The following MED12L variants were observed in gnomAD, a reference collection of about 807,000 sequenced individuals.
The protein encoded by MED12L is mediator complex subunit 12L, also known as mediator of RNA polymerase II transcription subunit 12-like protein.
MED12L carries 60 observed loss-of-function variants against 281.3 expected under a neutral mutation model. That is an observed-to-expected ratio of 0.21 (90% CI 0.17 to 0.26). MED12L has a LOEUF of 0.26. Ranked by LOEUF, MED12L falls within the 10% of genes least tolerant of loss-of-function variation. MED12L has a pLI of 1.00. For synonymous variants in MED12L, 974 were observed against 987.2 expected, an observed-to-expected ratio of 0.99 and a Z score of 0.25; for missense variants, 2,146 against 2,680.9, an observed-to-expected ratio of 0.80 and a Z score of 4.41.
At position 151,156,389 on chromosome 3, in the gene MED12L, C is replaced by T; in HGVS notation, c.726+59C>T. ...ATGCTTTTAAGAAGACAGCAAATTC[C>T]TTATAGTTTGGTGTTCTGGGGTTAA... On this transcript the variant is annotated intron_variant, in intron 6 of 44. Coordinates refer to ENST00000687756, the MANE Select transcript of MED12L (RefSeq NM_001393769.1). 2.7e-6 allele frequency: 4 copies of T among 1,479,012 alleles called. No individual in the cohort carries two copies. In the South Asian group the frequency reaches 4.1e-5, roughly 15 times the overall value. The allele number at this position is 1,479,012 out of a possible 1,614,324, so 91.6% of individuals were successfully genotyped here. A position where few individuals can be genotyped will look rare whatever the true frequency, so the allele number is the denominator to read the frequency against.
chr3:151,372,809 T>C (rs1204118002), intron 27 of MED12L, 43 bp downstream of exon 27: 2 of 1,522,272 alleles, frequency 1.3e-6, no homozygotes, highest in East Asian at 2.3e-5. Flanking sequence ...TACGTAACTC[T>C]TCTTTTGGAG....
At chr3:151,294,308 A>G in intron 16 of MED12L, 1 of 1,614,156 alleles carries the variant, frequency 6.2e-7, no homozygotes, top group Non-Finnish European at 8.5e-7. Context: ...GAAAAAGTAA[A>G]TTATTGGATC....
chr3:151,116,401 G>T lies in MED12L; in HGVS notation c.163G>T (p.Glu55Ter). 1 of 1,613,460 alleles carries T rather than the reference G, an allele frequency of 6.2e-7. No homozygotes were observed. Among genetic ancestry groups the T allele is most frequent in the South Asian group, 1.1e-5 (1 of 90,974 alleles). Reference sequence around the variant, plus strand: ...TAATCAGCCAGCCTTCACTGGAGATGAACATGGCTCAGCCAGAAATATTGT... The same window carrying T: ...TAATCAGCCAGCCTTCACTGGAGATTAACATGGCTCAGCCAGAAATATTGT... ...FNNQPAFTGD[E>*]HGSARNIVIN... is the part of the protein sequence containing the mutation. The change falls in exon 3 of 45, where the codon GAA becomes TAA. Residue 55 changes from glutamate (E) to a stop codon, truncating the protein, a stop_gained. Coordinates refer to ENST00000687756, the MANE Select transcript of MED12L (RefSeq NM_001393769.1). LOFTEE classifies it high-confidence loss of function.
intron 16 of MED12L, chr3:151,294,258 T>A (rs1744739189): frequency 6.2e-7 from 1 of 1,613,866 alleles, no homozygotes; most frequent in Admixed American, 1.7e-5. Context: ...GTTCTGATAT[T>A]TGATTTTTTG....
At chr3:151,412,373 A>G (rs1401686892) in intron 41 of MED12L, among the ~76,000 whole-genome samples, 4 of 152,208 alleles carry the variant, frequency 2.6e-5, no homozygotes, top group Non-Finnish European at 5.9e-5. Flanking sequence ...TGTGGCTAGT[A>G]GTTATCTTAT....
intron 5 of MED12L, among the ~76,000 whole-genome samples, chr3:151,138,606 G>A (rs910334202): frequency 1.3e-5 from 2 of 152,114 alleles, no homozygotes; most frequent in African/African-American, 4.8e-5. Flanking sequence ...TTTCAGTGAT[G>A]TTTGACAGTT....
rs1218201797 is a variant in MED12L, at chr3:151,357,176, C to A, written c.2662-37C>A. On this transcript the variant is annotated intron_variant, in intron 19 of 44. Coordinates refer to ENST00000687756, the MANE Select transcript of MED12L (RefSeq NM_001393769.1). ...TAAATGTTTTCTCTATTTGTTTTGG[C>A]ACCTACATGTTTATTCAGTCTTTTC... 2.7e-6 allele frequency: 4 copies of A among 1,506,042 alleles called. No homozygotes were observed. In the African/African-American group the frequency reaches 4.2e-5, roughly 16 times the overall value. 93.3% of individuals were successfully genotyped at this position (1,506,042 alleles called of 1,614,324 possible).
rs544553026 is a variant in MED12L at position 151,300,122 on chromosome 3, A to G, written c.2251-49937A>G. On this transcript the variant is annotated intron_variant, in intron 16 of 44. Coordinates refer to ENST00000687756, the MANE Select transcript of MED12L (RefSeq NM_001393769.1). ...CCATTCTTCAGTTGTGATGCACTGT[A>G]AGCAAAGATGCGTGTCAGGAAACAC... 263 of 1,582,784 alleles carry G rather than the reference A, an allele frequency of 1.7e-4. 2 individuals carry two copies. The South Asian group carries it at 2.8e-3, about 17-fold the overall frequency.
chr3:151,289,686 T>TA (rs1275467122), intron 16 of MED12L, among the ~76,000 whole-genome samples: 1 of 152,174 alleles, frequency 6.6e-6, no homozygotes, highest in East Asian at 1.9e-4. Context: ...CATATATATT[T>TA]ATGTAAATGT....
chr3:151,092,519 A>G (rs1171356368), intron 2 of MED12L, among the ~76,000 whole-genome samples: 3 of 152,266 alleles, frequency 2.0e-5, no homozygotes, highest in Non-Finnish European at 4.4e-5. Flanking sequence ...GTGAGTATTT[A>G]TAACATTTAA....
chr3:151,143,454 T>G (rs1288452143), intron 5 of MED12L, among the ~76,000 whole-genome samples: 4 of 152,210 alleles, frequency 2.6e-5, no homozygotes, highest in Non-Finnish European at 4.4e-5. Context: ...CTCAGATGAT[T>G]GGGCGCTTCC....
intron 5 of MED12L, among the ~76,000 whole-genome samples, chr3:151,152,453 T>C (rs867734009): frequency 6.6e-6 from 1 of 152,116 alleles, no homozygotes; most frequent in Non-Finnish European, 1.5e-5. Flanking sequence ...TAAATACTTA[T>C]CCAGAGCATT....
chr3:151,327,309 A>C (rs756685530), intron 16 of MED12L: 1 of 152,250 alleles, frequency 6.6e-6, no homozygotes, highest in Non-Finnish European at 1.5e-5. Context: ...GGAGAATTCC[A>C]AAGAATAGTT....
intron 16 of MED12L, among the ~76,000 whole-genome samples, chr3:151,285,984 T>C (rs764004020): frequency 3.3e-5 from 5 of 152,194 alleles, no homozygotes; most frequent in Non-Finnish European, 5.9e-5. Flanking sequence ...TTAAAGTATT[T>C]TGTTACAGCA....
chr3:151,185,933 C>T (rs970185191), intron 12 of MED12L, among the ~76,000 whole-genome samples: 3 of 152,048 alleles, frequency 2.0e-5, no homozygotes, highest in Non-Finnish European at 4.4e-5. Context: ...AATATGCGTA[C>T]ACAAAACATA....
At chr3:151,376,944 GA>G (rs1560099327) in intron 29 of MED12L, 46 bp from the exon 30 acceptor site, 2 of 1,610,774 alleles carry the variant, frequency 1.2e-6, no homozygotes, top group Admixed American at 3.3e-5. Context: ...GATGTTTGAG[GA>G]TAAAGGAATA....
intron 38 of MED12L, among the ~76,000 whole-genome samples, chr3:151,394,005 G>A (rs775536374): frequency 2.8e-4 from 43 of 152,034 alleles, no homozygotes; most frequent in African/African-American, 8.7e-4. Context: ...TTTTAAATGC[G>A]CGTGACAAAT....
intron 4 of MED12L, among the ~76,000 whole-genome samples, chr3:151,124,244 C>G (rs920835653): frequency 6.6e-6 from 1 of 152,224 alleles, no homozygotes; most frequent in East Asian, 1.9e-4. Flanking sequence ...TGCCCTTGCT[C>G]TAGCGAAGTA....
At chr3:151,218,377 A>T (rs1046865608) in intron 16 of MED12L, among the ~76,000 whole-genome samples, 1 of 152,210 alleles carries the variant, frequency 6.6e-6, no homozygotes, top group South Asian at 2.1e-4. Flanking sequence ...ATAAGCAGGC[A>T]GTCTGGTGAG....
Sources: gnomAD v4.1 joint callset for allele counts (sites outside exome capture counted in the v4.1 genomes callset) on GRCh38, gnomAD v4.1.1 for gene constraint, MANE v1.5 for transcripts, NCBI Gene and HGNC (gene_info 2026-07-23, HGNC 2026-07-21) for gene names.